The following CPE variants were observed in gnomAD, a reference collection of about 807,000 sequenced individuals.
CPE encodes carbocypeptidase E.
Under a neutral mutation model 53.5 loss-of-function variants are expected in CPE, and 17 were observed. The ratio of observed to expected loss-of-function variants is 0.32; its 90% CI spans 0.22 to 0.48. The LOEUF is 0.48. Ranked by LOEUF, CPE falls within the 20% of genes least tolerant of loss-of-function variation. CPE has a pLI of 0.99. For synonymous variants in CPE, 226 were observed against 228.8 expected (o/e 0.99, Z 0.11); for missense variants, 524 against 614.7 (o/e 0.85, Z 1.56).
intron 1 of CPE, among the ~76,000 whole-genome samples, chr4:165,396,834 A>G (rs1292663856): frequency 6.6e-6 from 1 of 150,752 alleles, no homozygotes; most frequent in East Asian, 2.0e-4. Flanking sequence ...GTTTGAGACC[A>G]CTCAGACTCA....
intron 1 of CPE, among the ~76,000 whole-genome samples, chr4:165,430,203 G>A (rs1008221923): frequency 1.3e-5 from 2 of 152,108 alleles, no homozygotes; most frequent in Admixed American, 6.5e-5. Flanking sequence ...GTAACCATAC[G>A]TAGCCAAATT....
chr4:165,397,181 A>T (rs1231755139), intron 1 of CPE, among the ~76,000 whole-genome samples: 1 of 152,148 alleles, frequency 6.6e-6, no homozygotes, highest in Non-Finnish European at 1.5e-5. Flanking sequence ...GCCAAGGAAA[A>T]ATGTTTAAAT....
At chr4:165,458,338 T>G (rs1731937207) in intron 1 of CPE, among the ~76,000 whole-genome samples, 1 of 152,224 alleles carries the variant, frequency 6.6e-6, no homozygotes, top group African/African-American at 2.4e-5. Flanking sequence ...TTTTTCAGCA[T>G]TATGTTCAGT....
intron 1 of CPE, among the ~76,000 whole-genome samples, chr4:165,454,982 G>C (rs1731877322): frequency 6.6e-6 from 1 of 152,184 alleles, no homozygotes; most frequent in South Asian, 2.1e-4. Flanking sequence ...GACTTCTACT[G>C]ACTGTAGATT....
At chr4:165,437,809 A>T (rs1370680) in intron 1 of CPE, among the ~76,000 whole-genome samples, 55,913 of 151,816 alleles carry the variant, frequency 0.37, 10,502 homozygotes, top group Middle Eastern at 0.47. Context: ...ATCTTGAAGT[A>T]TGAGTAAGAG....
chr4:165,401,283 G>A (rs1454573136), intron 1 of CPE, among the ~76,000 whole-genome samples: 1 of 152,192 alleles, frequency 6.6e-6, no homozygotes, highest in Non-Finnish European at 1.5e-5. Flanking sequence ...AACAACAGGT[G>A]CAGTTAACTA....
intron 1 of CPE, among the ~76,000 whole-genome samples, chr4:165,416,051 G>A (rs955507897): frequency 3.3e-5 from 5 of 152,068 alleles, no homozygotes; most frequent in Admixed American, 1.3e-4. Flanking sequence ...TAAAACTTAA[G>A]GCCCAGACTA....
In CPE at chr4:165,464,533, A is replaced by G. The variant is rs368070806; in HGVS notation, c.451A>G (p.Ile151Val). The change falls in exon 2 of 9, where the codon ATT (isoleucine) becomes GTT (valine). Residue 151 changes from isoleucine (I) to valine (V), a missense_variant. Coordinates refer to ENST00000402744, the MANE Select transcript of CPE (RefSeq NM_001873.4). ...TGTCAACCTGATCCACAGTACCCGC[A>G]TTCACATCATGCCTTCCCTGAACCC... is the stretch of plus-strand genomic sequence containing the variant. ...TIVNLIHSTR[I>V]HIMPSLNPDG... 5.0e-6 allele frequency: 8 copies of G among 1,613,660 alleles called. No individual in the cohort carries two copies. The highest frequency in any genetic ancestry group is 2.7e-5 in the African/African-American group (2 of 74,892).
chr4:165,483,001 G>GT lies in CPE; in HGVS notation c.790+655dup, dbSNP rs546229382. On this transcript the variant is annotated intron_variant, in intron 4 of 8. Coordinates refer to ENST00000402744, the MANE Select transcript of CPE (RefSeq NM_001873.4). ...TTTGTAAAAACAGGATGATTAGTTT[G>GT]TTTTTTTTTTTTTAATTTTAGATTC... Among the ~76,000 whole-genome samples the GT allele has an allele frequency of 8.2e-3, 1,148 of 139,584 alleles. 9 individuals carry two copies. The highest frequency in any genetic ancestry group is 0.022 in the African/African-American group (854 of 38,782). The allele number at this position is 139,584 out of a possible 152,430, so 91.6% of individuals were successfully genotyped here.
chr4:165,387,653 A>T (rs1730615974), intron 1 of CPE, among the ~76,000 whole-genome samples: 1 of 152,154 alleles, frequency 6.6e-6, no homozygotes, highest in South Asian at 2.1e-4. Context: ...TACTAAAAAT[A>T]CAAAAATTAG....
At chr4:165,434,694 A>G (rs1027033771) in intron 1 of CPE, among the ~76,000 whole-genome samples, 64 of 152,204 alleles carry the variant, frequency 4.2e-4, no homozygotes, top group Non-Finnish European at 3.7e-4. Flanking sequence ...GGAAGCTGCC[A>G]GTGTGAAGGG....
In CPE at chr4:165,425,562, TA is replaced by T. The variant is rs1049178607; in HGVS notation, c.308-38820del. On this transcript the variant is annotated intron_variant, in intron 1 of 8. Coordinates refer to ENST00000402744, the MANE Select transcript of CPE (RefSeq NM_001873.4). ...TTAGTTGGATAAAAGGAGCAAGGAA[TA>T]AAAAAAATATTTTGGCAAATTTACT... 1.4e-3 allele frequency among the ~76,000 whole-genome samples: 217 copies of T among 150,282 alleles called. 1 individual carries two copies. Among genetic ancestry groups the T allele is most frequent in the African/African-American group, 4.9e-3 (201 of 40,882 alleles).
At chr4:165,435,278 T>A (rs10517847) in intron 1 of CPE, among the ~76,000 whole-genome samples, 6,383 of 152,276 alleles carry the variant, frequency 0.042, 219 homozygotes, top group East Asian at 0.16. Context: ...AATGAAATGA[T>A]AAAGGACCAT....
chr4:165,443,414 A>G (rs1012466807), intron 1 of CPE, among the ~76,000 whole-genome samples: 6 of 152,194 alleles, frequency 3.9e-5, no homozygotes, highest in African/African-American at 1.4e-4. Flanking sequence ...TAAGGCCACC[A>G]TAACAAAATA....
chr4:165,467,555 C>A lies in CPE; in HGVS notation c.505-133C>A, dbSNP rs533390913. 1.2e-4 allele frequency: 98 copies of A among 810,926 alleles called. No homozygotes were observed. The African/African-American group carries it at 1.5e-3, about 13-fold the overall frequency. The allele number at this position is 810,926 out of a possible 1,614,324, so 50.2% of individuals were successfully genotyped here. The stretch of plus-strand genomic sequence containing the variant: ...TTATATAAGTAAAGTAGTGAAAATG[C>A]TGACATGGGAGGGCATTGTTGAAGT... On this transcript the variant is annotated intron_variant, in intron 2 of 8. Transcript: ENST00000402744.
At chr4:165,492,335 TATG>T (rs1171871066) in intron 6 of CPE, among the ~76,000 whole-genome samples, 1 of 152,226 alleles carries the variant, frequency 6.6e-6, no homozygotes, top group Non-Finnish European at 1.5e-5. Context: ...AGGCTTTTAT[TATG>T]ATATCCTTGT....
intron 1 of CPE, among the ~76,000 whole-genome samples, chr4:165,460,267 C>T (rs995936344): frequency 3.3e-5 from 5 of 151,062 alleles, no homozygotes; most frequent in Non-Finnish European, 7.3e-5. Context: ...TCAGAGAGGG[C>T]CATTCAAAAT....
intron 1 of CPE, chr4:165,404,596 C>T (rs1264528099): frequency 1.8e-6 from 2 of 1,097,984 alleles, no homozygotes; most frequent in African/African-American, 1.5e-5. Flanking sequence ...CTTCATCCAC[C>T]AGTGTGGCGG....
intron 4 of CPE, among the ~76,000 whole-genome samples, chr4:165,483,115 C>A (rs1357017528): frequency 6.6e-6 from 1 of 151,536 alleles, no homozygotes; most frequent in African/African-American, 2.4e-5. Context: ...AGAGTGAACT[C>A]AATAGGTAAT....
Sources: gnomAD v4.1 joint callset for allele counts (sites outside exome capture counted in the v4.1 genomes callset) on GRCh38, gnomAD v4.1.1 for gene constraint, MANE v1.5 for transcripts, NCBI Gene and HGNC (gene_info 2026-07-23, HGNC 2026-07-21) for gene names.